CHRM5: variants seen among roughly 807,000 people sequenced by gnomAD.
The protein encoded by CHRM5 is cholinergic receptor muscarinic 5.
In CHRM5, 18 loss-of-function variants were observed where a neutral mutation model predicts 39.0. That is an observed-to-expected ratio of 0.46 (90% CI 0.32 to 0.68). The LOEUF (loss-of-function observed/expected upper bound fraction) is 0.68, where lower values mean the gene tolerates loss of function less well. Ranked by LOEUF, CHRM5 falls within the 30% of genes least tolerant of loss-of-function variation. CHRM5 has a pLI of 0.04. For synonymous variants in CHRM5, 241 were observed against 246.3 expected (o/e 0.98, Z 0.20); for missense variants, 515 against 651.1 (o/e 0.79, Z 2.28).
At chr15:34,032,243 A>G (rs187496794) in intron 1 of CHRM5, among the ~76,000 whole-genome samples, 4 of 152,208 alleles carry the variant, frequency 2.6e-5, no homozygotes, top group African/African-American at 4.8e-5. Flanking sequence ...GAAAAAGGCT[A>G]GTTAAGTCAT....
At chr15:33,988,560 A>G (rs1896581329) in intron 1 of CHRM5, among the ~76,000 whole-genome samples, 1 of 152,210 alleles carries the variant, frequency 6.6e-6, no homozygotes, top group Non-Finnish European at 1.5e-5. Context: ...GATGACCGCC[A>G]TCAGCTTGTT....
rs1900458084 is a variant in CHRM5, at chr15:34,064,448, G to T, written c.*132G>T. 1.7e-6 allele frequency: 2 copies of T among 1,164,844 alleles called. No individual in the cohort carries two copies. The highest frequency in any genetic ancestry group is 2.4e-6 in the Non-Finnish European group (2 of 841,062). The allele number at this position is 1,164,844 out of a possible 1,614,324, so 72.2% of individuals were successfully genotyped here. A position where few individuals can be genotyped will look rare whatever the true frequency, so the allele number is the denominator to read the frequency against. On this transcript the variant is annotated 3_prime_UTR_variant, in exon 3 of 3. Coordinates refer to ENST00000383263, the MANE Select transcript of CHRM5 (RefSeq NM_012125.4). ...TGAGTCCTTGAAGATTTTTGTAAAGGCTCAAGTTTGGTTGCCAAATGGAAG... is the reference window on the plus strand; with the variant it reads ...TGAGTCCTTGAAGATTTTTGTAAAGTCTCAAGTTTGGTTGCCAAATGGAAG...
intron 1 of CHRM5, chr15:34,038,947 C>CCGCTGCGGCTCCGGGCCGCT: frequency 9.0e-7 from 1 of 1,105,852 alleles, no homozygotes; most frequent in Non-Finnish European, 1.1e-6. Context: ...CTGGCTACCG[C>CCGCTGCGGCTCCGGGCCGCT]CGCTGCGGCT....
intron 1 of CHRM5, among the ~76,000 whole-genome samples, chr15:34,001,401 T>C (rs1457048054): frequency 1.3e-5 from 2 of 152,188 alleles, no homozygotes; most frequent in Non-Finnish European, 2.9e-5. Context: ...ACTACACAAC[T>C]GATTGAATTA....
intron 1 of CHRM5, among the ~76,000 whole-genome samples, chr15:34,028,394 G>A (rs192173231): frequency 4.6e-5 from 7 of 152,060 alleles, no homozygotes; most frequent in African/African-American, 7.2e-5. Context: ...GCAAAATCCC[G>A]TCTCTATAAA....
intron 2 of CHRM5, among the ~76,000 whole-genome samples, chr15:34,055,527 C>T (rs1900107321): frequency 6.6e-6 from 1 of 151,082 alleles, no homozygotes; most frequent in South Asian, 2.1e-4. Context: ...ATAGGCTGGG[C>T]ACAGTGGCTC....
chr15:33,988,347 G>T (rs1225891119), intron 1 of CHRM5, among the ~76,000 whole-genome samples: 1 of 152,188 alleles, frequency 6.6e-6, no homozygotes, highest in Non-Finnish European at 1.5e-5. Flanking sequence ...TTTGAATCCT[G>T]ATTCTGCTAC....
chr15:34,031,333 C>A (rs1391059807), intron 1 of CHRM5, among the ~76,000 whole-genome samples: 1 of 151,952 alleles, frequency 6.6e-6, no homozygotes, highest in Non-Finnish European at 1.5e-5. Flanking sequence ...TGCCACCATG[C>A]CTGGCTAATT....
intron 1 of CHRM5, among the ~76,000 whole-genome samples, chr15:33,980,023 GA>G (rs1185959987): frequency 6.6e-6 from 1 of 151,640 alleles, no homozygotes; most frequent in Non-Finnish European, 1.5e-5. Flanking sequence ...GATTGTAAAG[GA>G]AAAAAAAGAA....
Position 34,062,717 on chromosome 15 carries a change from G to T in CHRM5, c.-1G>T. The T allele has an allele frequency of 6.2e-7, 1 of 1,604,102 alleles. No individual in the cohort carries two copies. Among genetic ancestry groups the T allele is most frequent in the Non-Finnish European group, 8.5e-7 (1 of 1,174,044 alleles). Reference sequence around the variant, plus strand: ...ATTTACTGTAAAATTTTTGCACCAGGATGGAAGGGGATTCTTACCACAATG... The same window carrying T: ...ATTTACTGTAAAATTTTTGCACCAGTATGGAAGGGGATTCTTACCACAATG... On this transcript the variant is annotated 5_prime_UTR_variant, in exon 3 of 3. Transcript: ENST00000383263.
At chr15:33,987,801 C>T (rs73385793) in intron 1 of CHRM5, among the ~76,000 whole-genome samples, 2,233 of 152,270 alleles carry the variant, frequency 0.015, 70 homozygotes, top group African/African-American at 0.052. Context: ...TCATAATCAG[C>T]GCTGCATGCA....
intron 1 of CHRM5, among the ~76,000 whole-genome samples, chr15:33,992,368 C>G (rs1040897345): frequency 6.7e-6 from 1 of 150,180 alleles, no homozygotes; most frequent in Non-Finnish European, 1.5e-5. Context: ...CCAGCCTGCG[C>G]GACAGATCAG....
chr15:34,014,946 G>C (rs1291589444), intron 1 of CHRM5, among the ~76,000 whole-genome samples: 1 of 152,158 alleles, frequency 6.6e-6, no homozygotes, highest in African/African-American at 2.4e-5. Flanking sequence ...TCAGATACAG[G>C]GGGTGAGGGG....
intron 1 of CHRM5, among the ~76,000 whole-genome samples, chr15:34,002,424 A>G (rs1897172152): frequency 6.6e-6 from 1 of 151,806 alleles, no homozygotes; most frequent in South Asian, 2.1e-4. Flanking sequence ...CCATCTGTAC[A>G]CCCAGCACTC....
chr15:34,048,500 G>C (rs1289381393), intron 2 of CHRM5, among the ~76,000 whole-genome samples: 1 of 151,722 alleles, frequency 6.6e-6, no homozygotes, highest in Non-Finnish European at 1.5e-5. Context: ...ACCTCCATGT[G>C]GGGGTTTCAG....
At chr15:34,048,566 C>T (rs1597387176) in intron 2 of CHRM5, among the ~76,000 whole-genome samples, 1 of 151,858 alleles carries the variant, frequency 6.6e-6, no homozygotes, top group Non-Finnish European at 1.5e-5. Flanking sequence ...GGATGGAGCT[C>T]CCAGGAGGAG....
chr15:34,023,640 TG>T (rs142708596), intron 1 of CHRM5, among the ~76,000 whole-genome samples: 10 of 152,326 alleles, frequency 6.6e-5, no homozygotes, highest in Non-Finnish European at 1.3e-4. Context: ...CTCTGACCTC[TG>T]GAACACTGTC....
At chr15:34,058,758 G>A (rs1234010366) in intron 2 of CHRM5, among the ~76,000 whole-genome samples, 1 of 152,096 alleles carries the variant, frequency 6.6e-6, no homozygotes, top group Non-Finnish European at 1.5e-5. Context: ...ACAAAATGAA[G>A]AATTGCCTGA....
At chr15:34,002,944 G>T in intron 1 of CHRM5, 1 of 1,193,884 alleles carries the variant, frequency 8.4e-7, no homozygotes, top group Non-Finnish European at 1.2e-6. Flanking sequence ...TAAATTGCTA[G>T]TTATAAAAGT....
Sources: gnomAD v4.1 joint callset for allele counts (sites outside exome capture counted in the v4.1 genomes callset) on GRCh38, gnomAD v4.1.1 for gene constraint, MANE v1.5 for transcripts, NCBI Gene and HGNC (gene_info 2026-07-23, HGNC 2026-07-21) for gene names.